Variants in CSF1R observed in about 807,000 individuals in gnomAD.
CSF1R encodes macrophage colony-stimulating factor 1 receptor.
Under a neutral mutation model 110.0 loss-of-function variants are expected in CSF1R, and 40 were observed. The ratio of observed to expected loss-of-function variants is 0.36; its 90% CI spans 0.28 to 0.47. The LOEUF (loss-of-function observed/expected upper bound fraction) is 0.47, where lower values mean the gene tolerates loss of function less well. CSF1R is among the 20% of genes least tolerant of loss of function. The pLI is 0.99. For synonymous variants in CSF1R, 523 were observed against 503.4 expected (o/e 1.04, Z -0.52); for missense variants, 1,052 against 1,253.0 (o/e 0.84, Z 2.42).
intron 4 of CSF1R, 114 bp downstream of exon 4, chr5:150,077,998 T>C: frequency 7.3e-7 from 1 of 1,368,770 alleles, no homozygotes; most frequent in South Asian, 1.3e-5. Context: ...GAGTCTGAGC[T>C]GTGCCTTCAG....
In CSF1R at chr5:150,054,400, C is replaced by T. The variant is rs1336605282; in HGVS notation, c.2685G>A (p.Leu895=). 3 of 1,613,700 alleles carry T rather than the reference C, an allele frequency of 1.9e-6. No individual in the cohort carries two copies. The highest frequency in any genetic ancestry group is 2.5e-6 in the Non-Finnish European group (3 of 1,179,858). ...GGAAGGTGGGTCTGTGGGTGGGCTC[C>T]AAGGCCCAGCAGGCCTGCATGATGC... ...IYSIMQACWA[L]EPTHRPTFQQ... The change falls in exon 20 of 21, where the codon TTG becomes TTA. Residue 895 remains leucine, a synonymous_variant. Coordinates refer to ENST00000675795, the MANE Select transcript of CSF1R (RefSeq NM_001288705.3).
rs753281770 is a variant in CSF1R, at chr5:150,057,543, G to C, written c.2182C>G (p.Pro728Ala). ...QGVDTYVEMR[P>A]VSTSSNDSFS... The stretch of plus-strand genomic sequence containing the variant: ...GAGTCATTTGAAGAAGTGGAGACAG[G>C]CCTCATCTCCACATAGGTGTCCACA... The change falls in exon 15 of 21, where the codon CCT becomes GCT. Residue 728 changes from proline (P) to alanine (A), a missense_variant. Physicochemically the swap from Pro to Ala is conservative, Grantham distance 27. Around this residue, in one of 5 missense-constraint regions of CSF1R, gnomAD observed 124 missense variants for 117.7 expected, o/e 1.05. Coordinates refer to ENST00000675795, the MANE Select transcript of CSF1R (RefSeq NM_001288705.3). The C allele has an allele frequency of 6.2e-7, 1 of 1,614,216 alleles. No homozygotes were observed. Among genetic ancestry groups the C allele is most frequent in the Non-Finnish European group, 8.5e-7 (1 of 1,180,036 alleles).
chr5:150,097,673 G>A (rs1484025770), intron 1 of CSF1R, among the ~76,000 whole-genome samples: 2 of 152,164 alleles, frequency 1.3e-5, no homozygotes, highest in Non-Finnish European at 2.9e-5. Flanking sequence ...AAAAAAACAT[G>A]AAACACTTAG....
chr5:150,106,067 A>ATGG (rs1175470411), intron 1 of CSF1R, among the ~76,000 whole-genome samples: 2 of 152,212 alleles, frequency 1.3e-5, no homozygotes, highest in Non-Finnish European at 2.9e-5. Context: ...TGACCAGCAC[A>ATGG]CTGCACAGGG....
chr5:150,089,031 C>G (rs1312223607), upstream of CSF1R, among the ~76,000 whole-genome samples: 1 of 152,040 alleles, frequency 6.6e-6, no homozygotes, highest in Non-Finnish European at 1.5e-5. Flanking sequence ...AAAAACAAAA[C>G]AAAACAAAAC....
chr5:150,077,168 A>G (rs768527080), intron 5 of CSF1R, 108 bp downstream of exon 5: 4 of 1,417,772 alleles, frequency 2.8e-6, no homozygotes, highest in African/African-American at 1.4e-5. Context: ...TCCAGCAGAG[A>G]TATCCTCAGC....
At chr5:150,094,714 CATAT>C in intron 1 of CSF1R, 1 of 1,603,520 alleles carries the variant, frequency 6.2e-7, no homozygotes. Flanking sequence ...ATTGTAGAGC[CATAT>C]ATTGCATGGG....
intron 1 of CSF1R, among the ~76,000 whole-genome samples, chr5:150,112,206 C>T (rs1297745750): frequency 6.7e-6 from 1 of 149,870 alleles, no homozygotes; most frequent in East Asian, 2.0e-4. Flanking sequence ...TCACACTTTG[C>T]CCTTGAATAA....
chr5:150,107,824 C>T (rs1331858441), intron 1 of CSF1R, among the ~76,000 whole-genome samples: 1 of 152,220 alleles, frequency 6.6e-6, no homozygotes, highest in African/African-American at 2.4e-5. Flanking sequence ...TGACTCAGAT[C>T]CAGTGAGACA....
chr5:150,107,582 G>T (rs1013119527), intron 1 of CSF1R, among the ~76,000 whole-genome samples: 7 of 152,246 alleles, frequency 4.6e-5, no homozygotes, highest in African/African-American at 1.4e-4. Context: ...GAGTTAAACA[G>T]CTAAGTGGCA....
At position 150,080,276 on chromosome 5, in the gene CSF1R, G is replaced by C. The variant is rs140924076; in HGVS notation, c.368C>G (p.Ala123Gly). 498 of 1,613,994 alleles carry C rather than the reference G, an allele frequency of 3.1e-4. 2 individuals are homozygous for C. In the Middle Eastern group the frequency reaches 4.5e-3, roughly 14 times the overall value. Residue 123 changes from alanine (A) to glycine (G), a missense_variant, in exon 3 of 21, where the codon GCA (alanine) becomes GGA (glycine). Transcript: ENST00000675795. ...QEVVVFEDQD[A>G]LLPCLLTDPV... ...GTCTGTGAGCAGACAGGGCAGTAGT[G>C]CGTCCTGGTCCTCGAACACGACCAC...
intron 10 of CSF1R, among the ~76,000 whole-genome samples, chr5:150,066,744 A>G (rs1432914546): frequency 6.6e-6 from 1 of 151,986 alleles, no homozygotes; most frequent in Non-Finnish European, 1.5e-5. Flanking sequence ...GGGTGTGGGG[A>G]AGAAAAGGTA....
intron 1 of CSF1R, among the ~76,000 whole-genome samples, chr5:150,110,706 TAACTA>T (rs1429147014): frequency 4.6e-5 from 7 of 151,850 alleles, no homozygotes; most frequent in African/African-American, 7.3e-5. Context: ...TTGAAAAATA[TAACTA>T]AACTATTTAT....
At chr5:150,085,618 C>A (rs1377407500) in intron 1 of CSF1R, among the ~76,000 whole-genome samples, 2 of 152,090 alleles carry the variant, frequency 1.3e-5, no homozygotes, top group Admixed American at 1.3e-4. Context: ...TCTGGGAGGG[C>A]TCTGGTCCAG....
chr5:150,072,500 A>G (rs1361556631), intron 6 of CSF1R, among the ~76,000 whole-genome samples: 4 of 152,168 alleles, frequency 2.6e-5, no homozygotes, highest in African/African-American at 9.7e-5. Flanking sequence ...AAAAAATAAT[A>G]AAAAGAAAGA....
intron 1 of CSF1R, among the ~76,000 whole-genome samples, chr5:150,098,955 A>G (rs1455330305): frequency 7.3e-6 from 1 of 137,094 alleles, no homozygotes; most frequent in Non-Finnish European, 1.5e-5. Flanking sequence ...GTGCAGTGGG[A>G]TGATCTTGGC....
chr5:150,059,702 G>A lies in CSF1R; in HGVS notation c.2130C>T (p.Arg710=). The A allele has an allele frequency of 6.2e-7, 1 of 1,613,758 alleles. No homozygotes were observed. The highest frequency in any genetic ancestry group is 8.5e-7 in the Non-Finnish European group (1 of 1,179,718). ...TCTTGTCCTTTGCCAGGGGCTACCT[G>A]CGGACATATTTCTTCTCGAGGTGGA... ...KNIHLEKKYV[R]RDSGFSSQGV... The change falls in exon 14 of 21, where the codon CGC becomes CGT. Residue 710 remains arginine (R), a splice_region_variant and synonymous_variant. Coordinates refer to ENST00000675795, the MANE Select transcript of CSF1R (RefSeq NM_001288705.3).
chr5:150,060,959 A>C lies in CSF1R; in HGVS notation c.1872T>G (p.Ala624=), dbSNP rs139845496. 1.5e-4 allele frequency: 245 copies of C among 1,602,462 alleles called. 1 individual carries two copies. In the African/African-American group the frequency reaches 2.8e-3, roughly 18 times the overall value. The change falls in exon 13 of 21, where the codon GCT becomes GCG. Residue 624 remains alanine, a synonymous_variant. Coordinates refer to ENST00000675795, the MANE Select transcript of CSF1R (RefSeq NM_001288705.3). Reference sequence around the variant, plus strand: ...CGGACATGAGGGCCTCCTTCTCATCAGCATGGGCCGTGGCTGGGAGGAAGA... The same window carrying C: ...CGGACATGAGGGCCTCCTTCTCATCCGCATGGGCCGTGGCTGGGAGGAAGA... ...AVKMLKSTAH[A]DEKEALMSEL...
chr5:150,066,411 C>T (rs1341864391), intron 10 of CSF1R, among the ~76,000 whole-genome samples: 10 of 152,182 alleles, frequency 6.6e-5, no homozygotes, highest in Admixed American at 6.5e-4. Context: ...TCACTGAAGT[C>T]CAAGTTTCTG....
Sources: gnomAD v4.1 joint callset for allele counts (sites outside exome capture counted in the v4.1 genomes callset) on GRCh38, gnomAD v4.1.1 for gene constraint, gnomAD v4.1.1 regional missense constraint, MANE v1.5 for transcripts, NCBI Gene and HGNC (gene_info 2026-07-23, HGNC 2026-07-21) for gene names.